VKORC1L1: variants seen among roughly 807,000 people sequenced by gnomAD.
The protein encoded by VKORC1L1 is vitamin K epoxide reductase complex subunit 1L1.
VKORC1L1 carries 2 observed loss-of-function variants against 18.9 expected under a neutral mutation model. The ratio of observed to expected loss-of-function variants is 0.11; its 90% CI spans 0.04 to 0.33. VKORC1L1 has a LOEUF of 0.33. Among genes scored for constraint, VKORC1L1 ranks in the 10% least tolerant of loss-of-function variants. The pLI is 1.00. For synonymous variants in VKORC1L1, 96 were observed against 100.0 expected, an observed-to-expected ratio of 0.96 and a Z score of 0.24; for missense variants, 123 against 224.1, an observed-to-expected ratio of 0.55 and a Z score of 2.88.
intron 1 of VKORC1L1, among the ~76,000 whole-genome samples, chr7:65,880,842 G>A (rs1450756225): frequency 6.6e-6 from 1 of 152,186 alleles, no homozygotes; most frequent in African/African-American, 2.4e-5. Flanking sequence ...TATAAACCAT[G>A]TACTCTTGTA....
At chr7:65,907,823 G>A (rs1167029403) in intron 1 of VKORC1L1, among the ~76,000 whole-genome samples, 1 of 151,870 alleles carries the variant, frequency 6.6e-6, no homozygotes, top group Non-Finnish European at 1.5e-5. Flanking sequence ...TCCAATGACA[G>A]TTTTACTCAG....
intron 1 of VKORC1L1, among the ~76,000 whole-genome samples, chr7:65,941,912 T>A (rs933553339): frequency 3.9e-5 from 6 of 152,056 alleles, no homozygotes; most frequent in African/African-American, 1.4e-4. Context: ...CCACCTGCTT[T>A]GGCCTCCCAA....
intron 1 of VKORC1L1, among the ~76,000 whole-genome samples, chr7:65,875,942 G>T (rs757437171): frequency 1.4e-4 from 21 of 152,126 alleles, no homozygotes; most frequent in Non-Finnish European, 2.5e-4. Context: ...TTCTCATTTC[G>T]CAAGCCCTGT....
chr7:65,911,190 G>C (rs1006859078), intron 1 of VKORC1L1, among the ~76,000 whole-genome samples: 1 of 152,118 alleles, frequency 6.6e-6, no homozygotes, highest in African/African-American at 2.4e-5. Context: ...CTTTTCCACT[G>C]AAAAGATGCT....
intron 1 of VKORC1L1, among the ~76,000 whole-genome samples, chr7:65,881,080 A>G (rs1292950666): frequency 6.6e-6 from 1 of 152,142 alleles, no homozygotes; most frequent in African/African-American, 2.4e-5. Context: ...AATCTGAAAA[A>G]ATCCCAAATC....
chr7:65,908,687 A>T (rs1010970071), intron 1 of VKORC1L1, among the ~76,000 whole-genome samples: 3 of 151,776 alleles, frequency 2.0e-5, no homozygotes, highest in African/African-American at 7.3e-5. Context: ...AATACAAAAA[A>T]TTAGCTGGGT....
Position 65,876,799 on chromosome 7 carries a change from G to C in VKORC1L1, c.194+3234G>C, listed in dbSNP as rs541430229. Reference sequence around the variant, plus strand: ...GTGGCTCACACCTGTAATCCCAGCAGTTTGGGACGCTGACACCTGGCAGAC... The same window carrying C: ...GTGGCTCACACCTGTAATCCCAGCACTTTGGGACGCTGACACCTGGCAGAC... On this transcript the variant is annotated intron_variant, in intron 1 of 2. Transcript: ENST00000360768. 3.3e-4 allele frequency among the ~76,000 whole-genome samples: 50 copies of C among 152,300 alleles called. 1 individual carries two copies. Among genetic ancestry groups the C allele is most frequent in the South Asian group, 2.9e-3 (14 of 4,824 alleles).
In VKORC1L1 at chr7:65,959,313, AAAC is replaced by A. The variant is rs1416788446; in HGVS notation, c.*5016_*5018del. The A allele has an allele frequency of 6.6e-6, 1 of 152,208 alleles. No individual in the cohort carries two copies. Among genetic ancestry groups the A allele is most frequent in the East Asian group, 1.9e-4 (1 of 5,196 alleles). The allele number at this position is 152,208 out of a possible 1,614,324, so 9.4% of individuals were successfully genotyped here. A position where few individuals can be genotyped will look rare whatever the true frequency, so the allele number is the denominator to read the frequency against. ...GAGGAAGACTCCAGCTCAAGAAAAA[AAAC>A]AATGGACTGCCCCTAATTTGTAAAC... On this transcript the variant is annotated 3_prime_UTR_variant, in exon 3 of 3. Coordinates refer to ENST00000360768, the MANE Select transcript of VKORC1L1 (RefSeq NM_173517.6).
chr7:65,867,421 A>T, the VKORC1L1 span, among the ~76,000 whole-genome samples: 1 of 152,168 alleles, frequency 6.6e-6, no homozygotes, highest in Non-Finnish European at 1.5e-5. Context: ...ATTGCATAAT[A>T]TATAACCCCA....
At position 65,917,775 on chromosome 7, in the gene VKORC1L1, ATT is replaced by A. The variant is rs1789612514; in HGVS notation, c.195-30893_195-30892del. On this transcript the variant is annotated intron_variant, in intron 1 of 2. Transcript: ENST00000360768. Reference sequence around the variant, plus strand: ...ATATCATTAGTTCATTATTTGACACATTTTCTTTTGAGCCAAAATACACATAC... The same window carrying A: ...ATATCATTAGTTCATTATTTGACACATTCTTTTGAGCCAAAATACACATAC... Among the ~76,000 whole-genome samples the A allele has an allele frequency of 2.0e-5, 3 of 152,308 alleles. 1 individual carries two copies. In the South Asian group the frequency reaches 6.2e-4, roughly 32 times the overall value.
At chr7:65,890,575 C>G (rs1195284068) in intron 1 of VKORC1L1, among the ~76,000 whole-genome samples, 2 of 152,190 alleles carry the variant, frequency 1.3e-5, no homozygotes, top group Admixed American at 1.3e-4. Flanking sequence ...AGCCTTCACT[C>G]TCTTTTTGAT....
chr7:65,872,758 C>T (rs1788741802), upstream of VKORC1L1, among the ~76,000 whole-genome samples: 2 of 151,848 alleles, frequency 1.3e-5, no homozygotes, highest in African/African-American at 4.8e-5. Context: ...CTCTGGAGCT[C>T]CAAGCATTGG....
chr7:65,939,098 T>A (rs1789993294), intron 1 of VKORC1L1, among the ~76,000 whole-genome samples: 1 of 152,222 alleles, frequency 6.6e-6, no homozygotes, highest in Admixed American at 6.5e-5. Flanking sequence ...CGTAAGAGAT[T>A]ATTTTGAACA....
chr7:65,877,350 CTTT>C (rs796646643), intron 1 of VKORC1L1, among the ~76,000 whole-genome samples: 7 of 144,042 alleles, frequency 4.9e-5, no homozygotes, highest in Admixed American at 7.0e-5. Context: ...GCAGAATATT[CTTT>C]TTTTTTTTTT....
upstream of VKORC1L1, among the ~76,000 whole-genome samples, chr7:65,870,867 A>G (rs192394246): frequency 2.2e-3 from 338 of 152,204 alleles, no homozygotes; most frequent in African/African-American, 7.4e-3. Context: ...TGCAGCCTCA[A>G]TCCACACCCC....
chr7:65,908,854 A>T (rs957689377), intron 1 of VKORC1L1, among the ~76,000 whole-genome samples: 3 of 151,446 alleles, frequency 2.0e-5, no homozygotes, highest in Non-Finnish European at 4.4e-5. Context: ...AAAAAAAAAA[A>T]TTCCAATCCA....
chr7:65,909,370 G>A (rs373126158), intron 1 of VKORC1L1, among the ~76,000 whole-genome samples: 1 of 151,864 alleles, frequency 6.6e-6, no homozygotes, highest in South Asian at 2.1e-4. Flanking sequence ...CATTGTTACC[G>A]AGATGTCGTG....
chr7:65,909,688 CTTTGTGTGTGTGTGTG>C (rs1224313816), intron 1 of VKORC1L1, among the ~76,000 whole-genome samples: 8 of 81,136 alleles, frequency 9.9e-5, no homozygotes, highest in African/African-American at 3.5e-4. Flanking sequence ...TTGTTTTAGC[CTTTGTGTGTGTGTGTG>C]TGTGTGTGTG....
In VKORC1L1 at chr7:65,936,335, T is replaced by G. The variant is rs1789941909; in HGVS notation, c.195-12336T>G. Reference sequence around the variant, plus strand: ...TTGAGAACTGGTAACATTCTTCTAGTTCTTTGTATGTCATATAATCTTGGA... The same window carrying G: ...TTGAGAACTGGTAACATTCTTCTAGGTCTTTGTATGTCATATAATCTTGGA... On this transcript the variant is annotated intron_variant, in intron 1 of 2. Transcript: ENST00000360768. 1.3e-5 allele frequency among the ~76,000 whole-genome samples: 2 copies of G among 152,190 alleles called. 1 individual carries two copies. The highest frequency in any genetic ancestry group is 4.1e-4 in the South Asian group (2 of 4,834).
Sources: gnomAD v4.1 joint callset for allele counts (sites outside exome capture counted in the v4.1 genomes callset) on GRCh38, gnomAD v4.1.1 for gene constraint, MANE v1.5 for transcripts, NCBI Gene and HGNC (gene_info 2026-07-23, HGNC 2026-07-21) for gene names.